The following TAF12 variants were observed in gnomAD, a reference collection of about 807,000 sequenced individuals.
The protein encoded by TAF12 is transcription initiation factor TFIID subunit 12.
Under a neutral mutation model 20.8 loss-of-function variants are expected in TAF12, and 3 were observed. The ratio of observed to expected loss-of-function variants is 0.14; its 90% CI spans 0.07 to 0.37. TAF12 has a LOEUF of 0.37. TAF12 is among the 10% of genes least tolerant of loss of function. TAF12 has a pLI of 1.00. For missense variants in TAF12, 131 were observed against 197.9 expected (o/e 0.66, Z 2.03); for synonymous variants, 69 against 70.2 (o/e 0.98, Z 0.09).
At chr1:28,643,166 C>T (rs1668098623), upstream of TAF12, 7 of 953,408 alleles carry the variant, frequency 7.3e-6, no homozygotes, top group Non-Finnish European at 6.2e-6. Flanking sequence ...CTTGCGCAGG[C>T]GCAGACTGCC....
chr1:28,605,023 T>C (rs1356428138), intron 5 of TAF12, among the ~76,000 whole-genome samples: 2 of 152,068 alleles, frequency 1.3e-5, no homozygotes, highest in Admixed American at 1.3e-4. Flanking sequence ...CATAGGACCA[T>C]ATATGGTGTT....
At chr1:28,636,212 T>G (rs879407365) in intron 1 of TAF12, among the ~76,000 whole-genome samples, 10 of 152,146 alleles carry the variant, frequency 6.6e-5, no homozygotes, top group Admixed American at 6.6e-4. Flanking sequence ...AAAAAGGCAG[T>G]ATAGGCCACA....
upstream of TAF12, among the ~76,000 whole-genome samples, chr1:28,644,976 AGC>A (rs1668147311): frequency 6.6e-6 from 1 of 152,084 alleles, no homozygotes; most frequent in Non-Finnish European, 1.5e-5. Context: ...AGTTCACTAC[AGC>A]CTCAAACTCC....
chr1:28,633,636 G>A (rs968832519), intron 1 of TAF12, among the ~76,000 whole-genome samples: 1 of 151,524 alleles, frequency 6.6e-6, no homozygotes, highest in Non-Finnish European at 1.5e-5. Flanking sequence ...AATTAGCCGG[G>A]TATGTTGGCT....
chr1:28,628,765 GTTA>G (rs765754838), intron 1 of TAF12, among the ~76,000 whole-genome samples: 4 of 152,194 alleles, frequency 2.6e-5, no homozygotes, highest in Non-Finnish European at 4.4e-5. Context: ...AGAATATTTT[GTTA>G]TTGTTTATTG....
At chr1:28,647,985 A>AT (rs1390567456), upstream of TAF12, among the ~76,000 whole-genome samples, 1 of 151,776 alleles carries the variant, frequency 6.6e-6, no homozygotes, top group South Asian at 2.1e-4. Flanking sequence ...TTTTCACTCG[A>AT]TTTAAAAAAA....
intron 1 of TAF12, among the ~76,000 whole-genome samples, chr1:28,638,060 G>A (rs540368917): frequency 6.4e-4 from 97 of 152,130 alleles, no homozygotes; most frequent in African/African-American, 2.2e-3. Flanking sequence ...GAGTGCAGTG[G>A]CACAATCTCG....
At chr1:28,632,244 C>T (rs758932832) in intron 1 of TAF12, among the ~76,000 whole-genome samples, 2 of 152,126 alleles carry the variant, frequency 1.3e-5, no homozygotes, top group African/African-American at 2.4e-5. Context: ...TTGAGACCAG[C>T]CTGGCCAACA....
At position 28,603,334 on chromosome 1, in the gene TAF12, A is replaced by C. The variant is rs1666565172; in HGVS notation, c.*205T>G. ...ATACATTGCTCCTCTTTGAGATGGC[A>C]GGGAAAAGGGACCGGAAGTTGGGGT... is the stretch of plus-strand genomic sequence containing the variant. On this transcript the variant is annotated 3_prime_UTR_variant, in exon 6 of 6. Transcript: ENST00000373824. 7.2e-6 allele frequency: 4 copies of C among 558,974 alleles called. No individual in the cohort carries two copies. Among genetic ancestry groups the C allele is most frequent in the Admixed American group, 6.2e-5 (2 of 32,464 alleles). The allele number at this position is 558,974 out of a possible 1,614,324, so 34.6% of individuals were successfully genotyped here.
chr1:28,603,808 C>T (rs191960888), intron 5 of TAF12, among the ~76,000 whole-genome samples: 1 of 152,282 alleles, frequency 6.6e-6, no homozygotes, highest in East Asian at 1.9e-4. Context: ...CTGCTCTAGG[C>T]TAGCAGAATG....
intron 1 of TAF12, among the ~76,000 whole-genome samples, chr1:28,634,522 G>C (rs1016659701): frequency 2.6e-5 from 4 of 151,454 alleles, no homozygotes; most frequent in African/African-American, 9.7e-5. Flanking sequence ...TGTAGAAATT[G>C]TGTGCTATGA....
At position 28,612,601 on chromosome 1, in the gene TAF12, A is replaced by C. The variant is rs962497618; in HGVS notation, c.361+646T>G. ...ACATATATATAACACATAGTTATAG[A>C]CTGATCTCTTTCTTTTAATCACATC... is the stretch of plus-strand genomic sequence containing the variant. On this transcript the variant is annotated intron_variant, in intron 4 of 5. Coordinates refer to ENST00000373824, the MANE Select transcript of TAF12 (RefSeq NM_005644.4). Among the ~76,000 whole-genome samples, 5 of 149,682 alleles carry C rather than the reference A, an allele frequency of 3.3e-5. No individual in the cohort carries two copies. In the East Asian group the frequency reaches 5.8e-4, roughly 17 times the overall value.
At chr1:28,604,111 G>A (rs1404467226) in intron 5 of TAF12, among the ~76,000 whole-genome samples, 1 of 151,986 alleles carries the variant, frequency 6.6e-6, no homozygotes, top group African/African-American at 2.4e-5. Context: ...CACTACATTG[G>A]CCGGGCTGGT....
intron 1 of TAF12, among the ~76,000 whole-genome samples, chr1:28,637,584 G>C (rs763659946): frequency 2.6e-5 from 4 of 151,876 alleles, no homozygotes; most frequent in Non-Finnish European, 5.9e-5. Flanking sequence ...AGAAGTGCTT[G>C]AACCCGTGAG....
chr1:28,621,847 A>G (rs1667230440), intron 2 of TAF12, 67 bp downstream of exon 2: 6 of 1,559,526 alleles, frequency 3.8e-6, no homozygotes, highest in South Asian at 1.2e-5. Context: ...GACATCTCTT[A>G]AAGTATTACA....
intron 1 of TAF12, among the ~76,000 whole-genome samples, chr1:28,632,665 G>C (rs961883309): frequency 6.6e-6 from 1 of 152,064 alleles, no homozygotes; most frequent in Non-Finnish European, 1.5e-5. Flanking sequence ...TATAGGGATG[G>C]AAAACAGATC....
intron 1 of TAF12, 74 bp downstream of exon 1, chr1:28,642,918 T>G: frequency 1.0e-6 from 1 of 986,240 alleles, no homozygotes; most frequent in African/African-American, 1.7e-5. Context: ...CTTCGAACAC[T>G]GACCCACTGT....
At chr1:28,608,921 A>T (rs1022034221) in intron 4 of TAF12, among the ~76,000 whole-genome samples, 82 of 152,116 alleles carry the variant, frequency 5.4e-4, no homozygotes, top group African/African-American at 1.8e-3. Flanking sequence ...AGCCTGGGCA[A>T]AAAGAGTGAA....
chr1:28,641,725 T>C (rs1026623434), intron 1 of TAF12, among the ~76,000 whole-genome samples: 1 of 147,650 alleles, frequency 6.8e-6, no homozygotes, highest in Non-Finnish European at 1.5e-5. Flanking sequence ...GCCTAGGAGG[T>C]TGGAGGTGCA....
Sources: allele counts gnomAD v4.1 joint callset (sites outside exome capture counted in the v4.1 genomes callset), GRCh38; gene constraint gnomAD v4.1.1; transcripts MANE v1.5; gene names NCBI Gene and HGNC (gene_info 2026-07-23, HGNC 2026-07-21).